The following PARD3B variants were observed in gnomAD, a reference collection of about 807,000 sequenced individuals.
PARD3B encodes par-3 family cell polarity regulator beta.
In PARD3B, 103 loss-of-function variants were observed where a neutral mutation model predicts 130.2. The observed-to-expected ratio is 0.79, with a 90% CI of 0.67 to 0.93. The LOEUF (loss-of-function observed/expected upper bound fraction) is 0.93. Ranked by LOEUF, PARD3B falls within the 40% of genes least tolerant of loss-of-function variation. PARD3B has a pLI of 0.00. For synonymous variants in PARD3B, 583 were observed against 553.2 expected (o/e 1.05, Z -0.76); for missense variants, 1,609 against 1,499.2 (o/e 1.07, Z -1.21).
At chr2:204,812,504 T>C (rs147161909) in intron 2 of PARD3B, among the ~76,000 whole-genome samples, 2 of 152,278 alleles carry the variant, frequency 1.3e-5, no homozygotes, top group African/African-American at 4.8e-5. Context: ...TTTTTATACA[T>C]TGGCATAGTT....
intron 19 of PARD3B, among the ~76,000 whole-genome samples, chr2:205,406,056 G>C (rs1244297726): frequency 6.6e-6 from 1 of 152,182 alleles, no homozygotes; most frequent in African/African-American, 2.4e-5. Context: ...CTCTCACACA[G>C]AGCATGCGGG....
intron 3 of PARD3B, among the ~76,000 whole-genome samples, chr2:204,996,514 G>A (rs888476375): frequency 2.6e-5 from 4 of 152,014 alleles, no homozygotes; most frequent in Non-Finnish European, 5.9e-5. Context: ...TAAGTCTGCA[G>A]AGGTTACTGC....
Position 204,906,605 on chromosome 2 carries a change from G to A in PARD3B, c.223-58547G>A, listed in dbSNP as rs2047050638. Among the ~76,000 whole-genome samples, 1 of 152,154 alleles carries A rather than the reference G, an allele frequency of 6.6e-6. No individual in the cohort carries two copies. Among genetic ancestry groups the A allele is most frequent in the Admixed American group, 6.5e-5 (1 of 15,284 alleles). ...TGCCTTCCCTTATGTTGGTAATTTA[G>A]CAACCATTGTTCTGTTTGATAACCA... On this transcript the variant is annotated intron_variant, in intron 2 of 22. Coordinates refer to ENST00000406610, the MANE Select transcript of PARD3B (RefSeq NM_001302769.2). This position sits in a 1 kb window ranked among gnomAD's most constrained non-coding sequence, Gnocchi z 4.3.
intron 22 of PARD3B, among the ~76,000 whole-genome samples, chr2:205,600,086 T>C (rs2054724892): frequency 6.6e-6 from 1 of 152,234 alleles, no homozygotes; most frequent in Non-Finnish European, 1.5e-5. Flanking sequence ...CCACAACTTT[T>C]CCTGCCTGTC....
chr2:205,335,601 T>C (rs2043283567), intron 18 of PARD3B, among the ~76,000 whole-genome samples: 1 of 151,318 alleles, frequency 6.6e-6, no homozygotes, highest in African/African-American at 2.4e-5. Flanking sequence ...GTTTATAGAG[T>C]CCATTTTCAT....
At chr2:204,597,170 A>G (rs1574521077) in intron 1 of PARD3B, among the ~76,000 whole-genome samples, 1 of 151,698 alleles carries the variant, frequency 6.6e-6, no homozygotes, top group African/African-American at 2.4e-5. Context: ...TTTGATGAGG[A>G]CTTTGTATTC....
intron 1 of PARD3B, among the ~76,000 whole-genome samples, chr2:204,628,232 C>G (rs2125135960): frequency 6.6e-6 from 1 of 151,460 alleles, no homozygotes; most frequent in East Asian, 1.9e-4. Flanking sequence ...GGAAGATCAT[C>G]TTGGAAAATG....
intron 7 of PARD3B, among the ~76,000 whole-genome samples, chr2:205,119,366 A>G (rs2030356081): frequency 6.6e-6 from 1 of 151,732 alleles, no homozygotes. Context: ...GGCTCTTTTC[A>G]CAGACTGTTG....
chr2:204,987,260 A>T (rs185929010), intron 3 of PARD3B, among the ~76,000 whole-genome samples: 8 of 152,348 alleles, frequency 5.3e-5, no homozygotes, highest in Non-Finnish European at 8.8e-5. Context: ...TGTTTTTAAG[A>T]TGTGGCCCTG....
At chr2:205,020,574 AG>A (rs35669303) in intron 3 of PARD3B, among the ~76,000 whole-genome samples, 1 of 152,182 alleles carries the variant, frequency 6.6e-6, no homozygotes, top group Non-Finnish European at 1.5e-5. Context: ...ATACAAAGCA[AG>A]GGGAAGAGTT....
rs137871927 is a variant in PARD3B at position 204,975,793 on chromosome 2, G to A, written c.394+10470G>A. Reference sequence around the variant, plus strand: ...ATGTCAAAATAGTGTAAACATAATTGCCCTATATGTAAACTTATCTGTGTT... The same window carrying A: ...ATGTCAAAATAGTGTAAACATAATTACCCTATATGTAAACTTATCTGTGTT... On this transcript the variant is annotated intron_variant, in intron 3 of 22. Coordinates refer to ENST00000406610, the MANE Select transcript of PARD3B (RefSeq NM_001302769.2). Among the ~76,000 whole-genome samples the A allele has an allele frequency of 2.6e-4, 39 of 152,246 alleles. 1 individual carries two copies. The East Asian group carries it at 5.8e-3, about 23-fold the overall frequency.
chr2:205,500,162 A>C (rs1365956488), intron 21 of PARD3B, 131 bp downstream of exon 21: 2 of 1,073,548 alleles, frequency 1.9e-6, no homozygotes, highest in African/African-American at 3.1e-5. Flanking sequence ...AGACAGGAAC[A>C]TTACCCAAAC....
intron 1 of PARD3B, among the ~76,000 whole-genome samples, chr2:204,668,980 C>G (rs570481069): frequency 6.6e-6 from 1 of 152,182 alleles, no homozygotes; most frequent in South Asian, 2.1e-4. Flanking sequence ...TGTGGGCAAC[C>G]TCTTCAGAAG....
At chr2:204,622,858 ACTT>A (rs2034353581) in intron 1 of PARD3B, among the ~76,000 whole-genome samples, 1 of 152,178 alleles carries the variant, frequency 6.6e-6, no homozygotes, top group Non-Finnish European at 1.5e-5. Context: ...TAGTGCTAGA[ACTT>A]CTTTAATGTA....
intron 20 of PARD3B, among the ~76,000 whole-genome samples, chr2:205,491,594 C>G (rs1453190470): frequency 6.6e-6 from 1 of 152,090 alleles, no homozygotes; most frequent in African/African-American, 2.4e-5. Context: ...AATGCGGGCT[C>G]TTTTTTGGTT....
chr2:204,953,050 A>T lies in PARD3B; in HGVS notation c.223-12102A>T, dbSNP rs992655340. On this transcript the variant is annotated intron_variant, in intron 2 of 22. Transcript: ENST00000406610. Reference sequence around the variant, plus strand: ...TGTGTGTATATATGTATATATGTATATATACGTATATATATAGAGAGAGAG... The same window carrying T: ...TGTGTGTATATATGTATATATGTATTTATACGTATATATATAGAGAGAGAG... Among the ~76,000 whole-genome samples, 4 of 140,124 alleles carry T rather than the reference A, an allele frequency of 2.9e-5. No homozygotes were observed. In the South Asian group the frequency reaches 1.1e-3, roughly 40 times the overall value. 91.9% of individuals were successfully genotyped at this position (140,124 alleles called of 152,430 possible).
intron 1 of PARD3B, among the ~76,000 whole-genome samples, chr2:204,602,453 A>G (rs2033552804): frequency 1.3e-5 from 2 of 151,278 alleles, no homozygotes; most frequent in South Asian, 4.1e-4. Context: ...TTTAAAAAAA[A>G]ATAAAAACAA....
At chr2:205,344,977 C>G (rs1328334967) in intron 18 of PARD3B, among the ~76,000 whole-genome samples, 1 of 152,112 alleles carries the variant, frequency 6.6e-6, no homozygotes, top group African/African-American at 2.4e-5. Context: ...TCAAAAAGAA[C>G]AATTTTAATG....
At chr2:205,150,248 T>TGCGCGC (rs1326918020) in intron 10 of PARD3B, among the ~76,000 whole-genome samples, 85 of 119,740 alleles carry the variant, frequency 7.1e-4, no homozygotes, top group Admixed American at 4.4e-3. Flanking sequence ...TGTGTGTGTG[T>TGCGCGC]GTGTGCACAC....
Sources: allele counts gnomAD v4.1 joint callset (sites outside exome capture counted in the v4.1 genomes callset), GRCh38; gene constraint gnomAD v4.1.1; non-coding constraint Gnocchi (gnomAD v3.1); transcripts MANE v1.5; gene names NCBI Gene and HGNC (gene_info 2026-07-23, HGNC 2026-07-21).